Variants in ARHGAP42 observed in about 807,000 individuals in gnomAD.
The protein encoded by ARHGAP42 is Rho GTPase activating protein 42, also known as rho GTPase-activating protein 42.
Under a neutral mutation model 125.0 loss-of-function variants are expected in ARHGAP42, and 63 were observed. The ratio of observed to expected loss-of-function variants is 0.50; its 90% CI spans 0.41 to 0.62. The LOEUF (loss-of-function observed/expected upper bound fraction) is 0.62, where lower values mean the gene tolerates loss of function less well. Among genes scored for constraint, ARHGAP42 ranks in the 20% least tolerant of loss-of-function variants. The probability of loss-of-function intolerance (pLI) is 0.00; values close to 1 mark genes in which losing one functional copy is unlikely to be tolerated. For missense variants in ARHGAP42, 766 were observed against 1,024.2 expected (o/e 0.75, Z 3.44); for synonymous variants, 339 against 351.0 (o/e 0.97, Z 0.38).
chr11:100,815,541 G>A (rs1864248066), intron 3 of ARHGAP42, among the ~76,000 whole-genome samples: 1 of 152,172 alleles, frequency 6.6e-6, no homozygotes, highest in African/African-American at 2.4e-5. Context: ...AGATAGATGT[G>A]CAGATATGTT....
At chr11:100,695,952 G>A (rs931304781) in intron 1 of ARHGAP42, among the ~76,000 whole-genome samples, 2 of 152,254 alleles carry the variant, frequency 1.3e-5, no homozygotes, top group African/African-American at 4.8e-5. Context: ...GTGGCTGGGC[G>A]TGATGGCTTA....
chr11:100,930,178 T>C (rs1373305846), intron 6 of ARHGAP42, among the ~76,000 whole-genome samples: 1 of 152,220 alleles, frequency 6.6e-6, no homozygotes, highest in Non-Finnish European at 1.5e-5. Context: ...TAGGGTAAAC[T>C]GAAACCATAG....
At chr11:100,794,787 T>C (rs1863668498) in intron 2 of ARHGAP42, among the ~76,000 whole-genome samples, 2 of 152,200 alleles carry the variant, frequency 1.3e-5, no homozygotes, top group Admixed American at 1.3e-4. Flanking sequence ...TATCAATATA[T>C]GTGTACATTT....
In ARHGAP42 at chr11:100,979,003, C is replaced by G; in HGVS notation, c.2410C>G (p.Gln804Glu). The change falls in exon 22 of 24, where the codon CAA (glutamine) becomes GAA (glutamate). Residue 804 changes from glutamine (Q) to glutamate (E), a missense_variant. Physicochemically the swap from Gln to Glu is conservative, Grantham distance 29. This residue lies in a region of ARHGAP42 where 308 missense variants were observed against 369.7 expected (regional missense o/e 0.83). Coordinates refer to ENST00000298815, the MANE Select transcript of ARHGAP42 (RefSeq NM_152432.4). ...RPGSVVAAKAQLFENVGSPKP... is the reference protein window; with the variant it reads ...RPGSVVAAKAELFENVGSPKP... ...ATTTTTCAGAGTGGCAGCAAAAGCT[C>G]AACTGTTTGAAAATGTTGGTTCACC... The G allele has an allele frequency of 6.4e-7, 1 of 1,551,430 alleles. No homozygotes were observed.
Position 100,687,654 on chromosome 11 carries a change from G to C in ARHGAP42, c.-25G>C. On this transcript the variant is annotated 5_prime_UTR_variant, in exon 1 of 24. Transcript: ENST00000298815. The stretch of plus-strand genomic sequence containing the variant: ...TGACCTCCGGCCCGGACGTGTCCGC[G>C]GCCGCCGCTGGCAGCGCCTGTGCCA... 3 of 1,424,094 alleles carry C rather than the reference G, an allele frequency of 2.1e-6. No individual in the cohort carries two copies. Among genetic ancestry groups the C allele is most frequent in the Non-Finnish European group, 2.8e-6 (3 of 1,077,534 alleles). The allele number at this position is 1,424,094 out of a possible 1,614,324, so 88.2% of individuals were successfully genotyped here.
chr11:100,953,856 T>C (rs1290889404), intron 12 of ARHGAP42, among the ~76,000 whole-genome samples: 2 of 4,166 alleles, frequency 4.8e-4, no homozygotes, highest in East Asian at 0.091. Context: ...ATTTTTGTAG[T>C]AGTAATATCT....
intron 1 of ARHGAP42, among the ~76,000 whole-genome samples, chr11:100,734,965 G>A (rs528147111): frequency 2.3e-4 from 35 of 152,192 alleles, no homozygotes; most frequent in South Asian, 8.3e-4. Context: ...AAACTGAAAT[G>A]CACAGTAAGG....
At chr11:100,773,681 G>C (rs970657231) in intron 2 of ARHGAP42, among the ~76,000 whole-genome samples, 2 of 152,218 alleles carry the variant, frequency 1.3e-5, no homozygotes, top group African/African-American at 4.8e-5. Context: ...CCAAGTTGTA[G>C]TGAACTTGAT....
chr11:100,856,101 C>T (rs375967021), intron 3 of ARHGAP42, among the ~76,000 whole-genome samples: 1 of 151,940 alleles, frequency 6.6e-6, no homozygotes, highest in South Asian at 2.1e-4. Context: ...TTGATTTTTC[C>T]CCCAAGTATT....
chr11:100,800,339 A>G (rs1001884346), intron 3 of ARHGAP42, among the ~76,000 whole-genome samples: 1 of 152,218 alleles, frequency 6.6e-6, no homozygotes, highest in Non-Finnish European at 1.5e-5. Context: ...TTCACTGGGA[A>G]CAGAGGGGAG....
Position 100,899,722 on chromosome 11 carries a change from GTT to G in ARHGAP42, c.385-13720_385-13719del, listed in dbSNP as rs767815247. Among the ~76,000 whole-genome samples the G allele has an allele frequency of 5.2e-3, 348 of 67,196 alleles. 4 individuals are homozygous for G. The highest frequency in any genetic ancestry group is 0.025 in the African/African-American group (305 of 12,002). The allele number at this position is 67,196 out of a possible 152,430, so 44.1% of individuals were successfully genotyped here. ...TTTTTTTTGTTTTGTTTTGTGTTTT[GTT>G]TTTTTTTTTGTTTTTTTTTGCTCTC... is the stretch of plus-strand genomic sequence containing the variant. On this transcript the variant is annotated intron_variant, in intron 4 of 23. Coordinates refer to ENST00000298815, the MANE Select transcript of ARHGAP42 (RefSeq NM_152432.4).
intron 4 of ARHGAP42, among the ~76,000 whole-genome samples, chr11:100,907,704 G>A (rs1027145440): frequency 6.6e-5 from 10 of 152,144 alleles, no homozygotes; most frequent in Non-Finnish European, 1.0e-4. Context: ...GGCCCTTCTG[G>A]GAATCAGAGG....
At chr11:100,967,379 G>A (rs1032498597) in intron 17 of ARHGAP42, among the ~76,000 whole-genome samples, 4 of 152,142 alleles carry the variant, frequency 2.6e-5, no homozygotes, top group Non-Finnish European at 5.9e-5. Flanking sequence ...GTGGACTTAT[G>A]TATTCATTAG....
intron 4 of ARHGAP42, among the ~76,000 whole-genome samples, chr11:100,862,519 A>T (rs1299558048): frequency 6.6e-6 from 1 of 152,204 alleles, no homozygotes; most frequent in Non-Finnish European, 1.5e-5. Context: ...TGCAGAACAG[A>T]TCAACTGAGA....
At chr11:100,886,267 AT>A (rs1230040156) in intron 4 of ARHGAP42, among the ~76,000 whole-genome samples, 3 of 152,202 alleles carry the variant, frequency 2.0e-5, no homozygotes, top group African/African-American at 7.2e-5. Flanking sequence ...AAAAACAAGC[AT>A]TTCATCGATT....
At chr11:100,936,892 G>T (rs1457447051) in intron 8 of ARHGAP42, among the ~76,000 whole-genome samples, 1 of 152,146 alleles carries the variant, frequency 6.6e-6, no homozygotes, top group African/African-American at 2.4e-5. Context: ...TGTATAACTG[G>T]AGTTTTTTGT....
intron 1 of ARHGAP42, among the ~76,000 whole-genome samples, chr11:100,722,836 AC>A (rs1237554285): frequency 2.0e-5 from 3 of 152,164 alleles, no homozygotes; most frequent in African/African-American, 7.2e-5. Context: ...TTTGGATCAT[AC>A]TTTTGGTGTT....
intron 1 of ARHGAP42, among the ~76,000 whole-genome samples, chr11:100,691,934 T>G (rs186597697): frequency 2.7e-3 from 413 of 152,320 alleles, no homozygotes; most frequent in Non-Finnish European, 4.2e-3. Context: ...ATATATAACA[T>G]CATGTTATGT....
At position 100,913,460 on chromosome 11, in the gene ARHGAP42, GA is replaced by G; in HGVS notation, c.395del (p.Lys132ArgfsTer18). The G allele has an allele frequency of 7.8e-7, 1 of 1,281,406 alleles. No homozygotes were observed. Among genetic ancestry groups the G allele is most frequent in the Non-Finnish European group, 1.0e-6 (1 of 980,068 alleles). The allele number at this position is 1,281,406 out of a possible 1,614,324, so 79.4% of individuals were successfully genotyped here. On this transcript the variant is annotated frameshift_variant, in exon 5 of 24. Transcript: ENST00000298815. LOFTEE classifies it high-confidence loss of function. ...EQIGAAKDGKKKFDKESEKYY... is the reference protein window; with the variant it reads ...EQIGAAKDGKXKFDKESEKYY... Reference sequence around the variant, plus strand: ...TTATTGCTCTCCTTTAGGATGGAAAGAAGAAGTTTGACAAAGAGAGTGAAAA... The same window carrying G: ...TTATTGCTCTCCTTTAGGATGGAAAGAGAAGTTTGACAAAGAGAGTGAAAA...
Sources: allele counts gnomAD v4.1 joint callset (sites outside exome capture counted in the v4.1 genomes callset), GRCh38; gene constraint gnomAD v4.1.1; regional missense constraint gnomAD v4.1.1; transcripts MANE v1.5; gene names NCBI Gene and HGNC (gene_info 2026-07-23, HGNC 2026-07-21).